SMARCC1: variants seen among roughly 807,000 people sequenced by gnomAD.
SMARCC1 encodes SWI/SNF complex subunit SMARCC1.
Under a neutral mutation model 147.4 loss-of-function variants are expected in SMARCC1, and 43 were observed. The ratio of observed to expected loss-of-function variants is 0.29; its 90% CI spans 0.23 to 0.38. The LOEUF is 0.38. Among genes scored for constraint, SMARCC1 ranks in the 10% least tolerant of loss-of-function variants. SMARCC1 has a pLI of 1.00. For missense variants in SMARCC1, 1,119 were observed against 1,381.1 expected (o/e 0.81, Z 3.01); for synonymous variants, 495 against 484.4 (o/e 1.02, Z -0.29).
At chr3:47,619,657 C>T (rs1045633338) in intron 25 of SMARCC1, among the ~76,000 whole-genome samples, 6 of 152,156 alleles carry the variant, frequency 3.9e-5, no homozygotes, top group African/African-American at 9.7e-5. Context: ...CATGAGCTCC[C>T]GGGGCAGGAG....
rs554015777 is a variant in SMARCC1, at chr3:47,777,079, T to C, written c.196-4143A>G. 5.3e-4 allele frequency among the ~76,000 whole-genome samples: 79 copies of C among 150,208 alleles called. No individual in the cohort carries two copies. In the South Asian group the frequency reaches 0.014, roughly 27 times the overall value. ...GTGAGCCACTACACCTGGCCTCAGGTAAATATTTATTTTTTTTTTTTTGAG... is the reference window on the plus strand; with the variant it reads ...GTGAGCCACTACACCTGGCCTCAGGCAAATATTTATTTTTTTTTTTTTGAG... On this transcript the variant is annotated intron_variant, in intron 1 of 27. Transcript: ENST00000254480.
At chr3:47,770,906 TTTTA>T (rs1174635397) in intron 2 of SMARCC1, among the ~76,000 whole-genome samples, 1 of 151,974 alleles carries the variant, frequency 6.6e-6, no homozygotes, top group Non-Finnish European at 1.5e-5. Context: ...TTTTTTAAAA[TTTTA>T]TTTATTTATT....
At chr3:47,639,255 A>T (rs2033015280) in intron 21 of SMARCC1, among the ~76,000 whole-genome samples, 1 of 152,224 alleles carries the variant, frequency 6.6e-6, no homozygotes, top group African/African-American at 2.4e-5. Flanking sequence ...TATGACCCAG[A>T]TATTCACTGA....
At chr3:47,775,719 C>A (rs898295418) in intron 1 of SMARCC1, among the ~76,000 whole-genome samples, 1 of 151,896 alleles carries the variant, frequency 6.6e-6, no homozygotes, top group Non-Finnish European at 1.5e-5. Context: ...CTGTAGCGAA[C>A]CCAGATCGCG....
At chr3:47,760,063 C>T (rs2034756296) in intron 2 of SMARCC1, among the ~76,000 whole-genome samples, 1 of 152,170 alleles carries the variant, frequency 6.6e-6, no homozygotes, top group African/African-American at 2.4e-5. Flanking sequence ...CCTGAAATCC[C>T]ACCACTCTGG....
intron 3 of SMARCC1, among the ~76,000 whole-genome samples, chr3:47,739,560 C>T (rs1197013260): frequency 1.3e-5 from 2 of 152,110 alleles, no homozygotes; most frequent in Non-Finnish European, 2.9e-5. Context: ...TCTCAAATTC[C>T]TGAGCTCAAA....
intron 6 of SMARCC1, among the ~76,000 whole-genome samples, chr3:47,727,821 C>T (rs2034318137): frequency 6.6e-6 from 1 of 152,028 alleles, no homozygotes. Flanking sequence ...AAACTCCTGA[C>T]CTCAGGTGAT....
chr3:47,593,050 C>T (rs1421228195), intron 26 of SMARCC1, among the ~76,000 whole-genome samples: 1 of 151,984 alleles, frequency 6.6e-6, no homozygotes, highest in Non-Finnish European at 1.5e-5. Context: ...TGATCTTGAA[C>T]TCCTGACCTC....
chr3:47,656,228 T>C (rs909758641), intron 21 of SMARCC1, among the ~76,000 whole-genome samples: 2 of 152,156 alleles, frequency 1.3e-5, no homozygotes, highest in African/African-American at 4.8e-5. Context: ...AAGCCTCTTA[T>C]GTAAGAGCAC....
At chr3:47,704,327 C>T (rs904586152) in intron 10 of SMARCC1, among the ~76,000 whole-genome samples, 4 of 152,092 alleles carry the variant, frequency 2.6e-5, no homozygotes, top group African/African-American at 9.7e-5. Flanking sequence ...TTTAACATAA[C>T]TCTAAGGAGA....
At chr3:47,699,974 C>T (rs1290692111) in intron 11 of SMARCC1, among the ~76,000 whole-genome samples, 2 of 151,740 alleles carry the variant, frequency 1.3e-5, no homozygotes, top group Admixed American at 1.3e-4. Context: ...TGGTTATATG[C>T]TTCATATACA....
chr3:47,595,800 T>C (rs939581858), intron 26 of SMARCC1, among the ~76,000 whole-genome samples: 3 of 150,588 alleles, frequency 2.0e-5, no homozygotes, highest in African/African-American at 2.4e-5. Context: ...AGTGGGGCGA[T>C]CTCGACTCAC....
At chr3:47,713,533 C>T (rs2034117009) in intron 8 of SMARCC1, among the ~76,000 whole-genome samples, 1 of 152,026 alleles carries the variant, frequency 6.6e-6, no homozygotes, top group Non-Finnish European at 1.5e-5. Context: ...TCAAGCAATC[C>T]TCCTGCCTCA....
intron 3 of SMARCC1, 111 bp from the exon 4 acceptor site, chr3:47,738,221 ACT>A (rs2034468691): frequency 1.5e-6 from 1 of 649,048 alleles, no homozygotes; most frequent in Non-Finnish European, 2.6e-6. Flanking sequence ...AATTAAAATA[ACT>A]CTACAAAATG....
chr3:47,656,853 G>A (rs1206464094), intron 21 of SMARCC1, among the ~76,000 whole-genome samples: 1 of 152,138 alleles, frequency 6.6e-6, no homozygotes, highest in African/African-American at 2.4e-5. Context: ...GGTGGAGGCT[G>A]AGGTTGCAGT....
chr3:47,651,703 C>A (rs1434650290), intron 21 of SMARCC1, among the ~76,000 whole-genome samples: 2 of 152,242 alleles, frequency 1.3e-5, no homozygotes, highest in African/African-American at 4.8e-5. Context: ...TTCACCATAG[C>A]ACATCAGCCA....
chr3:47,653,401 C>T (rs1433723702), intron 21 of SMARCC1, among the ~76,000 whole-genome samples: 1 of 152,156 alleles, frequency 6.6e-6, no homozygotes, highest in Non-Finnish European at 1.5e-5. Flanking sequence ...TATGATTTTA[C>T]CATAGTTAAT....
intron 2 of SMARCC1, among the ~76,000 whole-genome samples, chr3:47,750,053 G>A (rs1258182938): frequency 6.7e-6 from 1 of 149,086 alleles, no homozygotes; most frequent in African/African-American, 2.5e-5. Context: ...CTGCACTCCA[G>A]CCTGGGTGAC....
At position 47,736,165 on chromosome 3, in the gene SMARCC1, T is replaced by C. The variant is rs199827059; in HGVS notation, c.484-39A>G. 59 of 1,126,590 alleles carry C rather than the reference T, an allele frequency of 5.2e-5. No homozygotes were observed. The African/African-American group carries it at 8.2e-4, about 16-fold the overall frequency. The allele number at this position is 1,126,590 out of a possible 1,614,324, so 69.8% of individuals were successfully genotyped here. A position where few individuals can be genotyped will look rare whatever the true frequency, so the allele number is the denominator to read the frequency against. On this transcript the variant is annotated intron_variant, in intron 4 of 27. Coordinates refer to ENST00000254480, the MANE Select transcript of SMARCC1 (RefSeq NM_003074.4). Reference sequence around the variant, plus strand: ...GAACAGACTTTCAAATTCTCTTAGTTTTGAAATAATATCATATTATTTATG... The same window carrying C: ...GAACAGACTTTCAAATTCTCTTAGTCTTGAAATAATATCATATTATTTATG...
Sources: allele counts gnomAD v4.1 joint callset (sites outside exome capture counted in the v4.1 genomes callset), GRCh38; gene constraint gnomAD v4.1.1; transcripts MANE v1.5; gene names NCBI Gene and HGNC (gene_info 2026-07-23, HGNC 2026-07-21).